Variants in PRKCE observed in about 807,000 individuals in gnomAD.
PRKCE encodes protein kinase C epsilon, also known as protein kinase C epsilon type.
In PRKCE, 16 loss-of-function variants were observed where a neutral mutation model predicts 85.4. The ratio of observed to expected loss-of-function variants is 0.19; its 90% CI spans 0.13 to 0.28. PRKCE has a LOEUF of 0.28. Among genes scored for constraint, PRKCE ranks in the 10% least tolerant of loss-of-function variants. PRKCE has a pLI of 1.00. For synonymous variants in PRKCE, 388 were observed against 371.5 expected, an observed-to-expected ratio of 1.04 and a Z score of -0.51; for missense variants, 573 against 975.2, an observed-to-expected ratio of 0.59 and a Z score of 5.49.
intron 1 of PRKCE, among the ~76,000 whole-genome samples, chr2:45,729,379 T>C (rs1558604748): frequency 2.0e-5 from 3 of 152,188 alleles, no homozygotes; most frequent in Non-Finnish European, 2.9e-5. Flanking sequence ...GCATCCTCTT[T>C]ATTATCAAAG....
At chr2:45,709,373 G>A (rs1679408584) in intron 1 of PRKCE, among the ~76,000 whole-genome samples, 1 of 152,264 alleles carries the variant, frequency 6.6e-6, no homozygotes, top group Admixed American at 6.5e-5. Context: ...AGTTCTGGCA[G>A]ATCTTGGCTC....
At position 46,086,275 on chromosome 2, in the gene PRKCE, G is replaced by A. The variant is rs778903736; in HGVS notation, c.1505G>A (p.Arg502Gln). 6 of 1,599,662 alleles carry A rather than the reference G, an allele frequency of 3.8e-6. No homozygotes were observed. Among genetic ancestry groups the A allele is most frequent in the Non-Finnish European group, 4.2e-6 (5 of 1,179,934 alleles). Residue 502 changes from arginine (R) to glutamine (Q), a missense_variant, in exon 11 of 15, where the codon CGA becomes CAA. Coordinates refer to ENST00000306156, the MANE Select transcript of PRKCE (RefSeq NM_005400.3). ...GDLMFQIQRS[R>Q]KFDEPRSRFY... Reference sequence around the variant, plus strand: ...CTCATGTTTCAGATTCAGCGCTCCCGAAAATTCGACGAGCCTCGTTCACGG... The same window carrying A: ...CTCATGTTTCAGATTCAGCGCTCCCAAAAATTCGACGAGCCTCGTTCACGG...
chr2:45,687,715 A>G (rs1677407931), intron 1 of PRKCE, among the ~76,000 whole-genome samples: 1 of 152,252 alleles, frequency 6.6e-6, no homozygotes, highest in South Asian at 2.1e-4. Flanking sequence ...TGGCTGGTAT[A>G]GGAGCACCTC....
intron 2 of PRKCE, among the ~76,000 whole-genome samples, chr2:45,968,219 A>T (rs1558897946): frequency 6.7e-6 from 1 of 149,534 alleles, no homozygotes; most frequent in Non-Finnish European, 1.5e-5. Flanking sequence ...CTAAGTGCTC[A>T]TCAGTCAATG....
At chr2:45,864,204 A>C (rs1573655583) in intron 2 of PRKCE, among the ~76,000 whole-genome samples, 1 of 152,162 alleles carries the variant, frequency 6.6e-6, no homozygotes, top group Non-Finnish European at 1.5e-5. Context: ...CCTCAACATC[A>C]GTCCCATTGG....
At chr2:45,996,633 T>C (rs979317875) in intron 6 of PRKCE, among the ~76,000 whole-genome samples, 6 of 152,204 alleles carry the variant, frequency 3.9e-5, no homozygotes, top group African/African-American at 1.4e-4. Flanking sequence ...TAACAATTGA[T>C]TACATTAGTT....
chr2:45,970,961 A>C (rs142090063), intron 2 of PRKCE, among the ~76,000 whole-genome samples: 1 of 151,822 alleles, frequency 6.6e-6, no homozygotes, highest in Non-Finnish European at 1.5e-5. Context: ...GTTATTTTAT[A>C]CATCAGACAC....
At position 46,061,859 on chromosome 2, in the gene PRKCE, C is replaced by CTTTTCTTTTTTTTT. The variant is rs869162406; in HGVS notation, c.1438-24345_1438-24344insCTTTTTTTTTTTTT. Among the ~76,000 whole-genome samples the CTTTTCTTTTTTTTT allele has an allele frequency of 4.6e-5, 5 of 107,748 alleles. No individual in the cohort carries two copies. In the South Asian group the frequency reaches 8.6e-4, roughly 19 times the overall value. 70.7% of individuals were successfully genotyped at this position (107,748 alleles called of 152,430 possible). A position where few individuals can be genotyped will look rare whatever the true frequency, so the allele number is the denominator to read the frequency against. On this transcript the variant is annotated intron_variant, in intron 10 of 14. Transcript: ENST00000306156. The stretch of plus-strand genomic sequence containing the variant: ...TTTTCTTTTCTTTTCTTTTCTTTTT[C>CTTTTCTTTTTTTTT]TTTTTTTTTTTTTTTTTTGCAACAG...
intron 2 of PRKCE, among the ~76,000 whole-genome samples, chr2:45,930,701 G>A (rs978215770): frequency 6.6e-6 from 1 of 152,240 alleles, no homozygotes; most frequent in Non-Finnish European, 1.5e-5. Flanking sequence ...TAATGCCTCT[G>A]TTGTTTGTTT....
At chr2:46,012,879 G>C (rs1705806576) in intron 10 of PRKCE, among the ~76,000 whole-genome samples, 1 of 152,220 alleles carries the variant, frequency 6.6e-6, no homozygotes, top group African/African-American at 2.4e-5. Flanking sequence ...TTTTATGGCA[G>C]AACAGTGATC....
chr2:45,985,047 A>AT (rs1400971224), intron 6 of PRKCE, among the ~76,000 whole-genome samples: 2 of 152,306 alleles, frequency 1.3e-5, no homozygotes, highest in East Asian at 3.9e-4. Context: ...AGAGGTGTGA[A>AT]TTGAGGCTTT....
In PRKCE at chr2:45,855,204, A is replaced by G. The variant is rs189442026; in HGVS notation, c.412+12141A>G. 3.9e-3 allele frequency among the ~76,000 whole-genome samples: 596 copies of G among 152,326 alleles called. 5 individuals are homozygous for G. Among genetic ancestry groups the G allele is most frequent in the African/African-American group, 0.014 (569 of 41,582 alleles). ...TGGATGTGACAAGTAACTTCCATAA[A>G]TATATACAAGTGGAGGCTGATAAGG... On this transcript the variant is annotated intron_variant, in intron 2 of 14. Transcript: ENST00000306156.
chr2:45,994,080 C>G (rs1055025905), intron 6 of PRKCE, among the ~76,000 whole-genome samples: 3 of 152,124 alleles, frequency 2.0e-5, no homozygotes, highest in Non-Finnish European at 2.9e-5. Context: ...GCTTATCCTG[C>G]CTGGCTTCAC....
intron 10 of PRKCE, among the ~76,000 whole-genome samples, chr2:46,058,973 C>T (rs1164594257): frequency 6.6e-6 from 1 of 152,204 alleles, no homozygotes; most frequent in African/African-American, 2.4e-5. Flanking sequence ...GCTTGGATTA[C>T]AGGCATGAGC....
In PRKCE at chr2:45,697,533, C is replaced by A. The variant is rs1678254497; in HGVS notation, c.348+45085C>A. ...AAGAATTGGAGGGACAGAGAACAGG[C>A]TCTGCTCTTCACTCAGGGTGGACTG... On this transcript the variant is annotated intron_variant, in intron 1 of 14. Transcript: ENST00000306156. This position sits in a 1 kb window ranked among gnomAD's most constrained non-coding sequence, Gnocchi z 4.2. Among the ~76,000 whole-genome samples the A allele has an allele frequency of 6.6e-6, 1 of 152,190 alleles. No homozygotes were observed. The highest frequency in any genetic ancestry group is 1.5e-5 in the Non-Finnish European group (1 of 68,036).
At chr2:45,977,079 T>G (rs1012431582) in intron 3 of PRKCE, among the ~76,000 whole-genome samples, 52 of 152,054 alleles carry the variant, frequency 3.4e-4, no homozygotes, top group African/African-American at 1.2e-3. Context: ...GTATTTTTAG[T>G]AGAGGTAGGG....
At chr2:45,805,267 C>G (rs897127938) in intron 1 of PRKCE, among the ~76,000 whole-genome samples, 3 of 152,162 alleles carry the variant, frequency 2.0e-5, no homozygotes, top group African/African-American at 7.2e-5. Flanking sequence ...TAGCTGGACT[C>G]AAACCCAGTT....
chr2:45,791,737 C>G (rs190254450), intron 1 of PRKCE, among the ~76,000 whole-genome samples: 34 of 152,348 alleles, frequency 2.2e-4, no homozygotes, highest in African/African-American at 8.2e-4. Flanking sequence ...ATGCGCTCCT[C>G]TCTGCCCTTG....
intron 1 of PRKCE, among the ~76,000 whole-genome samples, chr2:45,820,687 T>C (rs1474321861): frequency 6.6e-6 from 1 of 152,200 alleles, no homozygotes; most frequent in Non-Finnish European, 1.5e-5. Flanking sequence ...ACAAATGCAA[T>C]TGAAGTTTTC....
Sources: allele counts gnomAD v4.1 joint callset (sites outside exome capture counted in the v4.1 genomes callset), GRCh38; gene constraint gnomAD v4.1.1; non-coding constraint Gnocchi (gnomAD v3.1); transcripts MANE v1.5; gene names NCBI Gene and HGNC (gene_info 2026-07-23, HGNC 2026-07-21).